Variants in CNTLN observed in about 807,000 individuals in gnomAD.
CNTLN encodes centlein.
Under a neutral mutation model 180.0 loss-of-function variants are expected in CNTLN, and 212 were observed. The ratio of observed to expected loss-of-function variants is 1.18; its 90% CI spans 1.05 to 1.32. The LOEUF (loss-of-function observed/expected upper bound fraction) is 1.32. Among genes scored for constraint, CNTLN ranks in the 40% most tolerant of loss-of-function variants. The probability of loss-of-function intolerance (pLI) is 0.00; values close to 1 mark genes in which losing one functional copy is unlikely to be tolerated. For synonymous variants in CNTLN, 722 were observed against 563.1 expected (o/e 1.28, Z -3.99); for missense variants, 2,095 against 1,610.9 (o/e 1.30, Z -5.14).
intron 12 of CNTLN, among the ~76,000 whole-genome samples, chr9:17,354,186 G>A (rs966849284): frequency 6.6e-6 from 1 of 152,180 alleles, no homozygotes; most frequent in African/African-American, 2.4e-5. Context: ...GCAGGGCTCG[G>A]GACCTGCAGC....
At chr9:17,334,221 GGC>G (rs1214222375) in intron 10 of CNTLN, among the ~76,000 whole-genome samples, 3 of 151,984 alleles carry the variant, frequency 2.0e-5, no homozygotes, top group Non-Finnish European at 4.4e-5. Context: ...CACCACTCCT[GGC>G]TAATTTTTGT....
the CNTLN span, among the ~76,000 whole-genome samples, chr9:17,519,399 T>C: frequency 6.6e-6 from 1 of 152,346 alleles, no homozygotes; most frequent in Non-Finnish European, 1.5e-5. Context: ...ACTCCAATAA[T>C]GTTTTAAAAT....
chr9:17,481,031 A>C (rs1832615935), intron 23 of CNTLN, among the ~76,000 whole-genome samples: 1 of 152,088 alleles, frequency 6.6e-6, no homozygotes, highest in African/African-American at 2.4e-5. Flanking sequence ...GCCCACCTTG[A>C]GACCTGGAAC....
intron 18 of CNTLN, among the ~76,000 whole-genome samples, chr9:17,417,297 C>G (rs546452936): frequency 2.0e-5 from 3 of 152,092 alleles, no homozygotes; most frequent in Non-Finnish European, 4.4e-5. Context: ...TTAATATCCT[C>G]TCTTTCTTCC....
intron 2 of CNTLN, among the ~76,000 whole-genome samples, chr9:17,192,940 C>T (rs942765896): frequency 6.6e-6 from 1 of 151,904 alleles, no homozygotes; most frequent in Non-Finnish European, 1.5e-5. Context: ...GCTGGGGAGG[C>T]CTCAGAATCA....
At chr9:17,236,084 A>G (rs182913543) in intron 4 of CNTLN, among the ~76,000 whole-genome samples, 1 of 152,312 alleles carries the variant, frequency 6.6e-6, no homozygotes, top group Non-Finnish European at 1.5e-5. Context: ...GGCATTATTA[A>G]TTGATAAAAC....
chr9:17,163,377 C>T (rs1005602330), intron 2 of CNTLN, among the ~76,000 whole-genome samples: 3 of 152,096 alleles, frequency 2.0e-5, no homozygotes, highest in Admixed American at 6.6e-5. Context: ...AGAAATTTTT[C>T]TAGAAATAAG....
At chr9:17,259,434 C>G (rs973750116) in intron 5 of CNTLN, among the ~76,000 whole-genome samples, 1 of 143,454 alleles carries the variant, frequency 7.0e-6, no homozygotes, top group Non-Finnish European at 1.5e-5. Flanking sequence ...GTCTAAAATT[C>G]TCTTTTTTTG....
chr9:17,398,136 T>C (rs551764712), intron 15 of CNTLN, among the ~76,000 whole-genome samples: 2 of 152,274 alleles, frequency 1.3e-5, no homozygotes, highest in South Asian at 2.1e-4. Context: ...TTTTCAGTGA[T>C]GGGTTTTATC....
At chr9:17,233,818 A>G (rs989740168) in intron 3 of CNTLN, among the ~76,000 whole-genome samples, 1 of 152,182 alleles carries the variant, frequency 6.6e-6, no homozygotes, top group African/African-American at 2.4e-5. Flanking sequence ...TAAGTTCAGA[A>G]GTAAGCAAAA....
chr9:17,191,504 C>G (rs1344223429), intron 2 of CNTLN, among the ~76,000 whole-genome samples: 1 of 152,150 alleles, frequency 6.6e-6, no homozygotes, highest in African/African-American at 2.4e-5. Context: ...TAATTTTCTT[C>G]TATTGTTCAT....
intron 16 of CNTLN, 68 bp downstream of exon 16, chr9:17,409,541 G>C (rs1233531010): frequency 7.1e-6 from 8 of 1,120,314 alleles, no homozygotes; most frequent in Non-Finnish European, 1.0e-5. Context: ...TATAACTTAA[G>C]TAAATAAATG....
chr9:17,224,867 AGTG>A (rs1431958334), intron 2 of CNTLN, among the ~76,000 whole-genome samples: 1 of 151,658 alleles, frequency 6.6e-6, no homozygotes, highest in Non-Finnish European at 1.5e-5. Context: ...CTAGTATGTC[AGTG>A]TATGGGGATT....
intron 13 of CNTLN, among the ~76,000 whole-genome samples, chr9:17,387,373 T>C (rs1257380482): frequency 6.6e-6 from 1 of 152,192 alleles, no homozygotes; most frequent in Non-Finnish European, 1.5e-5. Context: ...ATTAATTCAC[T>C]AAGAAAATGT....
At chr9:17,290,845 C>T (rs1043190947) in intron 6 of CNTLN, among the ~76,000 whole-genome samples, 5 of 152,230 alleles carry the variant, frequency 3.3e-5, no homozygotes, top group Admixed American at 6.5e-5. Context: ...CCAGGTGAGG[C>T]AATGCCTCGC....
chr9:17,445,759 A>G (rs1003430150), intron 18 of CNTLN, among the ~76,000 whole-genome samples: 24 of 152,044 alleles, frequency 1.6e-4, no homozygotes, highest in East Asian at 1.9e-4. Flanking sequence ...AGACCTGACC[A>G]TCCCCCAGCC....
Position 17,135,161 on chromosome 9 carries a change from C to G in CNTLN, c.96C>G (p.His32Gln). The change falls in exon 1 of 26, where the codon CAC becomes CAG. Residue 32 changes from histidine (H) to glutamine (Q), a missense_variant. Physicochemically the swap from His to Gln is conservative, Grantham distance 24 (BLOSUM62 0). Transcript: ENST00000380647. The stretch of plus-strand genomic sequence containing the variant: ...GTGTTGGGCGGGGAGCTGAAGTACA[C>G]GCAATGCGCAGCGAGGCCTCGGGTT... ...SPRVGRGAEV[H>Q]AMRSEASGFA... 6.2e-7 allele frequency: 1 copy of G among 1,609,444 alleles called. No homozygotes were observed.
chr9:17,335,937 C>CAA, intron 10 of CNTLN, among the ~76,000 whole-genome samples: 2 of 145,184 alleles, frequency 1.4e-5, no homozygotes, highest in South Asian at 2.2e-4. Context: ...AAAACAAAAA[C>CAA]AAAAACAAAG....
chr9:17,475,972 G>GT (rs1235746193), intron 23 of CNTLN, among the ~76,000 whole-genome samples: 1 of 151,106 alleles, frequency 6.6e-6, no homozygotes, highest in African/African-American at 2.4e-5. Context: ...CAGATGCTGT[G>GT]TTTTTTACAA....
Sources: gnomAD v4.1 joint callset for allele counts (sites outside exome capture counted in the v4.1 genomes callset) on GRCh38, gnomAD v4.1.1 for gene constraint, MANE v1.5 for transcripts, NCBI Gene and HGNC (gene_info 2026-07-23, HGNC 2026-07-21) for gene names.